Variants in PRKN observed in about 807,000 individuals in gnomAD.
PRKN encodes the protein parkin RBR E3 ubiquitin protein ligase.
PRKN carries 56 observed loss-of-function variants against 59.5 expected under a neutral mutation model. The ratio of observed to expected loss-of-function variants is 0.94; its 90% CI spans 0.76 to 1.18. The LOEUF (loss-of-function observed/expected upper bound fraction) is 1.18, where lower values mean the gene tolerates loss of function less well. PRKN is among the 50% of genes most tolerant of loss of function. The probability of loss-of-function intolerance (pLI) is 0.00; values close to 1 mark genes in which losing one functional copy is unlikely to be tolerated. For missense variants in PRKN, 657 were observed against 596.4 expected (o/e 1.10, Z -1.06); for synonymous variants, 250 against 222.1 (o/e 1.13, Z -1.12).
chr6:161,577,564 A>T (rs1781178209), intron 7 of PRKN, among the ~76,000 whole-genome samples: 1 of 152,210 alleles, frequency 6.6e-6, no homozygotes, highest in African/African-American at 2.4e-5. Context: ...GAAACTTTGT[A>T]AATTTTGATG....
chr6:161,443,920 A>G (rs971805330), intron 9 of PRKN, among the ~76,000 whole-genome samples: 3 of 152,226 alleles, frequency 2.0e-5, no homozygotes. Flanking sequence ...TGCAGTCATT[A>G]AGGAGCCTGT....
intron 3 of PRKN, among the ~76,000 whole-genome samples, chr6:162,216,951 A>G (rs1317887850): frequency 6.6e-6 from 1 of 152,224 alleles, no homozygotes; most frequent in Non-Finnish European, 1.5e-5. Flanking sequence ...AATAATTAGG[A>G]CATGATAATT....
At chr6:162,016,242 C>G (rs1448668259) in intron 5 of PRKN, among the ~76,000 whole-genome samples, 1 of 152,072 alleles carries the variant, frequency 6.6e-6, no homozygotes, top group Non-Finnish European at 1.5e-5. Flanking sequence ...ACATATGAAT[C>G]ACATACATGA....
chr6:162,485,129 A>G (rs542594717), intron 1 of PRKN, among the ~76,000 whole-genome samples: 1 of 152,312 alleles, frequency 6.6e-6, no homozygotes, highest in East Asian at 1.9e-4. Context: ...TTCATTCGTC[A>G]CTTTTGTAGT....
In PRKN at chr6:161,947,720, C is replaced by A. The variant is rs556112319; in HGVS notation, c.734+25582G>T. On this transcript the variant is annotated intron_variant, in intron 6 of 11. Transcript: ENST00000366898. ...TGTTGTTTTAAAACGGTATTTTTCA[C>A]ATCAAAAGATGATTTAATGTAGAAT... Among the ~76,000 whole-genome samples the A allele has an allele frequency of 2.4e-3, 369 of 152,292 alleles. 1 individual carries two copies. The highest frequency in any genetic ancestry group is 8.6e-3 in the African/African-American group (359 of 41,562).
chr6:162,388,240 G>A (rs946206174), intron 2 of PRKN, among the ~76,000 whole-genome samples: 11 of 152,108 alleles, frequency 7.2e-5, no homozygotes, highest in Admixed American at 2.0e-4. Context: ...CGAGGAAGGC[G>A]CCTGAGGAGA....
Position 162,143,150 on chromosome 6 carries a change from G to A in PRKN, c.534+57981C>T, listed in dbSNP as rs955362097. ...CATATTTTTCTCCTTCTTCCTTGTT[G>A]AGTAATGAGATATTTAAGGTGGTAA... On this transcript the variant is annotated intron_variant, in intron 4 of 11. Transcript: ENST00000366898. 3.9e-5 allele frequency among the ~76,000 whole-genome samples: 6 copies of A among 152,274 alleles called. 1 individual carries two copies. The highest frequency in any genetic ancestry group is 6.8e-3 in the Middle Eastern group (2 of 294).
intron 7 of PRKN, among the ~76,000 whole-genome samples, chr6:161,771,706 T>G (rs1789702126): frequency 6.6e-6 from 1 of 152,230 alleles, no homozygotes; most frequent in South Asian, 2.1e-4. Context: ...CAGACTTTAC[T>G]GCAAATAAAT....
At chr6:161,415,821 G>A (rs1382774714) in intron 9 of PRKN, among the ~76,000 whole-genome samples, 3 of 151,746 alleles carry the variant, frequency 2.0e-5, no homozygotes, top group Non-Finnish European at 2.9e-5. Flanking sequence ...GTCCTCACCA[G>A]GCCTCCCCAC....
chr6:161,641,538 C>A (rs143276635), intron 7 of PRKN, among the ~76,000 whole-genome samples: 4 of 152,158 alleles, frequency 2.6e-5, no homozygotes, highest in Non-Finnish European at 5.9e-5. Context: ...GTCCCATCCC[C>A]GAGTTTTCTG....
chr6:162,619,495 A>C (rs1341052382), intron 1 of PRKN, among the ~76,000 whole-genome samples: 1 of 152,082 alleles, frequency 6.6e-6, no homozygotes, highest in Non-Finnish European at 1.5e-5. Flanking sequence ...TAAATGGAAA[A>C]TATGTAGACA....
chr6:162,128,501 G>A (rs1460033322), intron 4 of PRKN, among the ~76,000 whole-genome samples: 1 of 152,072 alleles, frequency 6.6e-6, no homozygotes, highest in Non-Finnish European at 1.5e-5. Flanking sequence ...GACAGCATCT[G>A]TAAGCCATAG....
At chr6:161,852,498 C>T (rs1255691163) in intron 6 of PRKN, among the ~76,000 whole-genome samples, 4 of 152,062 alleles carry the variant, frequency 2.6e-5, no homozygotes, top group African/African-American at 9.7e-5. Context: ...CACACAATCA[C>T]AAAGCATCAG....
At position 162,262,582 on chromosome 6, in the gene PRKN, G is replaced by T. The variant is rs376992611; in HGVS notation, c.355C>A (p.Leu119Met). The T allele has an allele frequency of 8.1e-6, 13 of 1,613,002 alleles. No individual in the cohort carries two copies. The African/African-American group carries it at 1.7e-4, about 22-fold the overall frequency. Residue 119 changes from leucine (L) to methionine (M), a missense_variant, in exon 3 of 12, where the codon CTG becomes ATG. Leu to Met is a conservative substitution (Grantham distance 15). Transcript: ENST00000366898. ...CTGTCAGTGTGCAGAATGACAGCCA[G>T]CCCCACAGAGTCTCCTGGGAGGACT... ...SSVLPGDSVG[L>M]AVILHTDSRK...
At chr6:162,037,131 T>C (rs1440917165) in intron 5 of PRKN, among the ~76,000 whole-genome samples, 2 of 152,294 alleles carry the variant, frequency 1.3e-5, no homozygotes, top group African/African-American at 4.8e-5. Flanking sequence ...ATGTAAAATA[T>C]TTTGCCCTTT....
chr6:161,831,123 AT>A (rs1792481867), intron 6 of PRKN, among the ~76,000 whole-genome samples: 1 of 152,244 alleles, frequency 6.6e-6, no homozygotes, highest in East Asian at 1.9e-4. Flanking sequence ...CATAAAGGGG[AT>A]TGAACTCACA....
At chr6:161,816,676 C>T (rs1446356276) in intron 6 of PRKN, among the ~76,000 whole-genome samples, 2 of 151,274 alleles carry the variant, frequency 1.3e-5, no homozygotes, top group African/African-American at 4.9e-5. Context: ...TGCAGTGAGC[C>T]GAGATCACGC....
intron 4 of PRKN, among the ~76,000 whole-genome samples, chr6:162,186,571 G>T (rs1583169695): frequency 6.6e-6 from 1 of 152,182 alleles, no homozygotes; most frequent in East Asian, 1.9e-4. Context: ...ACAGTGATAT[G>T]ATTTGGATCT....
intron 7 of PRKN, among the ~76,000 whole-genome samples, chr6:161,706,256 T>C (rs1786488741): frequency 6.6e-6 from 1 of 152,230 alleles, no homozygotes; most frequent in East Asian, 1.9e-4. Flanking sequence ...TTCACACCTC[T>C]GTGCCCTCTC....
Sources: allele counts gnomAD v4.1 joint callset (sites outside exome capture counted in the v4.1 genomes callset), GRCh38; gene constraint gnomAD v4.1.1; transcripts MANE v1.5; gene names NCBI Gene and HGNC (gene_info 2026-07-23, HGNC 2026-07-21).